TCAIM: variants seen among roughly 807,000 people sequenced by gnomAD.
TCAIM encodes the protein T cell activation inhibitor, mitochondrial.
In TCAIM, 36 loss-of-function variants were observed where a neutral mutation model predicts 58.6. That is an observed-to-expected ratio of 0.61 (90% CI 0.47 to 0.81). The LOEUF (loss-of-function observed/expected upper bound fraction) is 0.81, where lower values mean the gene tolerates loss of function less well. Among genes scored for constraint, TCAIM ranks in the 30% least tolerant of loss-of-function variants. The probability of loss-of-function intolerance (pLI) is 0.00; values close to 1 mark genes in which losing one functional copy is unlikely to be tolerated. For synonymous variants in TCAIM, 172 were observed against 193.6 expected (o/e 0.89, Z 0.93); for missense variants, 466 against 579.6 (o/e 0.80, Z 2.01).
At chr3:44,339,062 G>A (rs569092974) in intron 1 of TCAIM, among the ~76,000 whole-genome samples, 7 of 151,810 alleles carry the variant, frequency 4.6e-5, no homozygotes, top group South Asian at 4.2e-4. Flanking sequence ...ATTTTTCCGA[G>A]GTCTTTGATT....
chr3:44,375,006 A>G (rs1208260914), intron 5 of TCAIM, among the ~76,000 whole-genome samples: 3 of 152,192 alleles, frequency 2.0e-5, no homozygotes, highest in Non-Finnish European at 4.4e-5. Context: ...TCATGACCCT[A>G]GGAACCGAAC....
chr3:44,394,778 C>A (rs1701895869), intron 6 of TCAIM, among the ~76,000 whole-genome samples: 1 of 149,328 alleles, frequency 6.7e-6, no homozygotes, highest in Non-Finnish European at 1.5e-5. Flanking sequence ...CCTGTAATCC[C>A]AGCTACTCAG....
chr3:44,350,908 G>T (rs538771045), intron 1 of TCAIM, among the ~76,000 whole-genome samples: 178 of 152,200 alleles, frequency 1.2e-3, no homozygotes, highest in African/African-American at 4.0e-3. Flanking sequence ...CTAAATCTAG[G>T]TTATTTTGTT....
intron 1 of TCAIM, among the ~76,000 whole-genome samples, chr3:44,345,271 G>C (rs966913841): frequency 6.6e-6 from 1 of 151,894 alleles, no homozygotes; most frequent in Non-Finnish European, 1.5e-5. Context: ...GTGATGGCCT[G>C]GATACGGTTT....
At chr3:44,391,904 C>T (rs896990253) in intron 5 of TCAIM, among the ~76,000 whole-genome samples, 1 of 152,202 alleles carries the variant, frequency 6.6e-6, no homozygotes, top group Non-Finnish European at 1.5e-5. Context: ...CTAGTCCCAT[C>T]AGATATGTCT....
At chr3:44,346,796 A>G (rs1173401100) in intron 1 of TCAIM, among the ~76,000 whole-genome samples, 1 of 152,214 alleles carries the variant, frequency 6.6e-6, no homozygotes, top group Admixed American at 6.5e-5. Context: ...CAGAAAGGCT[A>G]CAGGGCGCAG....
chr3:44,372,505 G>C (rs1559571388), intron 5 of TCAIM, among the ~76,000 whole-genome samples: 1 of 152,034 alleles, frequency 6.6e-6, no homozygotes, highest in Non-Finnish European at 1.5e-5. Flanking sequence ...TAGTTCAGAA[G>C]TAGCATAAAA....
Position 44,348,326 on chromosome 3 carries a change from G to A in TCAIM, c.-44-6413G>A, listed in dbSNP as rs187535029. Among the ~76,000 whole-genome samples the A allele has an allele frequency of 2.0e-4, 30 of 150,724 alleles. No homozygotes were observed. The East Asian group carries it at 5.6e-3, about 28-fold the overall frequency. On this transcript the variant is annotated intron_variant, in intron 1 of 10. Transcript: ENST00000342649. ...GATCTGGGAAGGAGTCAGTCAGAGA[G>A]CCTTGGGGCAGAGTTCCAGGGGCTC... is the stretch of plus-strand genomic sequence containing the variant.
chr3:44,355,475 G>T (rs1392719580), intron 2 of TCAIM, among the ~76,000 whole-genome samples: 1 of 152,202 alleles, frequency 6.6e-6, no homozygotes, highest in Non-Finnish European at 1.5e-5. Flanking sequence ...TTTGAGTAAG[G>T]AATACAGTGA....
chr3:44,354,765 G>C lies in TCAIM; in HGVS notation c.-18G>C, dbSNP rs80079063. 2.5e-6 allele frequency: 4 copies of C among 1,606,114 alleles called. No individual in the cohort carries two copies. In the African/African-American group the frequency reaches 4.0e-5, roughly 16 times the overall value. On this transcript the variant is annotated 5_prime_UTR_variant, in exon 2 of 11. Transcript: ENST00000342649. ...AATTAATGGATGCCTCGAAGTTGAC[G>C]TACATATATATTCAGAAATGTTTTG... is the stretch of plus-strand genomic sequence containing the variant.
chr3:44,360,304 A>G (rs1027854366), intron 3 of TCAIM, among the ~76,000 whole-genome samples: 3 of 151,848 alleles, frequency 2.0e-5, no homozygotes, highest in African/African-American at 7.3e-5. Flanking sequence ...TCTTGCCACC[A>G]CATGTTCAGT....
intron 5 of TCAIM, 22 bp downstream of exon 5, chr3:44,367,730 A>C: frequency 6.3e-7 from 1 of 1,580,864 alleles, no homozygotes; most frequent in East Asian, 2.3e-5. Flanking sequence ...TTTTTATCTA[A>C]CTAAACTGTA....
chr3:44,394,347 G>C (rs1333166927), intron 6 of TCAIM, among the ~76,000 whole-genome samples: 1 of 151,926 alleles, frequency 6.6e-6, no homozygotes, highest in African/African-American at 2.4e-5. Context: ...CTTTATTATA[G>C]GGGTTTCTTC....
intron 4 of TCAIM, among the ~76,000 whole-genome samples, chr3:44,364,093 TA>T (rs1701333230): frequency 6.6e-6 from 1 of 151,874 alleles, no homozygotes; most frequent in African/African-American, 2.4e-5. Flanking sequence ...AATGCCCAGC[TA>T]ATTTTTGTAT....
chr3:44,389,042 G>C (rs577558742), intron 5 of TCAIM, among the ~76,000 whole-genome samples: 2 of 152,068 alleles, frequency 1.3e-5, no homozygotes, highest in Admixed American at 6.5e-5. Context: ...CTGTAATCCC[G>C]GCACTTTGGG....
intron 2 of TCAIM, among the ~76,000 whole-genome samples, chr3:44,355,382 A>G (rs1481501456): frequency 2.0e-5 from 3 of 152,182 alleles, no homozygotes; most frequent in Admixed American, 1.3e-4. Context: ...GGAAAGATAG[A>G]TGGGGAAACC....
intron 1 of TCAIM, among the ~76,000 whole-genome samples, chr3:44,345,875 C>T (rs1575233955): frequency 6.6e-6 from 1 of 152,004 alleles, no homozygotes; most frequent in South Asian, 2.1e-4. Context: ...AAGTGTAAAC[C>T]GGCAGTGGAA....
chr3:44,380,032 C>T (rs1048189992), intron 5 of TCAIM, among the ~76,000 whole-genome samples: 44 of 150,724 alleles, frequency 2.9e-4, no homozygotes, highest in African/African-American at 1.0e-3. Flanking sequence ...GAGCCCCAGA[C>T]CTAAAATAAA....
At chr3:44,373,749 G>A (rs1701520327) in intron 5 of TCAIM, among the ~76,000 whole-genome samples, 1 of 152,086 alleles carries the variant, frequency 6.6e-6, no homozygotes, top group Non-Finnish European at 1.5e-5. Flanking sequence ...AAAAAAATTA[G>A]GAAATGCTGT....
Sources: allele counts gnomAD v4.1 joint callset (sites outside exome capture counted in the v4.1 genomes callset), GRCh38; gene constraint gnomAD v4.1.1; transcripts MANE v1.5; gene names NCBI Gene and HGNC (gene_info 2026-07-23, HGNC 2026-07-21).